ANKRD40: variants seen among roughly 807,000 people sequenced by gnomAD.
ANKRD40 encodes ankyrin repeat domain-containing protein 40.
In ANKRD40, 24 loss-of-function variants were observed where a neutral mutation model predicts 35.5. The observed-to-expected ratio is 0.68, with a 90% confidence interval of 0.49 to 0.95. The LOEUF (loss-of-function observed/expected upper bound fraction) is 0.95, where lower values mean the gene tolerates loss of function less well. ANKRD40 is among the 40% of genes least tolerant of loss of function. The probability of loss-of-function intolerance (pLI) is 0.00; values close to 1 mark genes in which losing one functional copy is unlikely to be tolerated. For missense variants in ANKRD40, 361 were observed against 436.0 expected (o/e 0.83, Z 1.53); for synonymous variants, 147 against 173.5 (o/e 0.85, Z 1.20).
In ANKRD40 at chr17:50,707,233, C is replaced by A. The variant is rs1285741013; in HGVS notation, c.134+288G>T. On this transcript the variant is annotated intron_variant, in intron 1 of 4. Transcript: ENST00000285243. The surrounding 1 kb of genome is among the most constrained non-coding windows in gnomAD (Gnocchi z 4.8). ...TCGCTGAGAATCACTGCCTCCAGCACCGCTCTGACCAAGTGAGCCGGGAGC... is the reference window on the plus strand; with the variant it reads ...TCGCTGAGAATCACTGCCTCCAGCAACGCTCTGACCAAGTGAGCCGGGAGC... Among the ~76,000 whole-genome samples, 1 of 152,190 alleles carries A rather than the reference C, an allele frequency of 6.6e-6. No homozygotes were observed. Among genetic ancestry groups the A allele is most frequent in the Non-Finnish European group, 1.5e-5 (1 of 68,030 alleles).
chr17:50,700,410 T>C, intron 2 of ANKRD40, 158 bp downstream of exon 2: 1 of 773,874 alleles, frequency 1.3e-6, no homozygotes, highest in African/African-American at 1.9e-5. Context: ...GCCACTGCAC[T>C]CCAGCCTGGG....
chr17:50,705,132 A>G (rs1192346805), intron 1 of ANKRD40, among the ~76,000 whole-genome samples: 1 of 152,042 alleles, frequency 6.6e-6, no homozygotes, highest in Non-Finnish European at 1.5e-5. Flanking sequence ...AAAAAAAAAA[A>G]AAAAAAAAGA....
In ANKRD40 at chr17:50,707,649, G is replaced by T. The variant is rs769477941; in HGVS notation, c.6C>A (p.Asn2Lys). M[N>K]ALLEQKEQQE... ...GCTGCTCCTTCTGCTCTAGGAGGGC[G>T]TTCATCTTCCCACAGCCCCAGGCCC... Residue 2 changes from asparagine to lysine, a missense_variant, in exon 1 of 5, where the codon AAC becomes AAA. By Grantham distance (94) the Asn-to-Lys change is moderately conservative (BLOSUM62 0). This residue lies in a region of ANKRD40 where 56 missense variants were observed against 47.1 expected (regional missense o/e 1.19). Transcript: ENST00000285243. This position sits in a 1 kb window ranked among gnomAD's most constrained non-coding sequence, Gnocchi z 4.8. The T allele has an allele frequency of 1.3e-6, 2 of 1,562,492 alleles. No homozygotes were observed. Among genetic ancestry groups the T allele is most frequent in the Non-Finnish European group, 1.7e-6 (2 of 1,158,506 alleles).
At chr17:50,704,527 A>C (rs1968306887) in intron 1 of ANKRD40, among the ~76,000 whole-genome samples, 1 of 151,610 alleles carries the variant, frequency 6.6e-6, no homozygotes, top group South Asian at 2.1e-4. Context: ...AAAAAAAAAA[A>C]AAAAAAAAAA....
Position 50,697,125 on chromosome 17 carries a change from G to A in ANKRD40, c.779-4C>T, listed in dbSNP as rs201524009. ...ATTCTCACCTTGAGTACCAGCTCTA[G>A]AAAAAAAAGGAGAAATGTTAATGAA... On this transcript the variant is annotated splice_region_variant and splice_polypyrimidine_tract_variant and intron_variant, in intron 3 of 4. Coordinates refer to ENST00000285243, the MANE Select transcript of ANKRD40 (RefSeq NM_052855.4). 1.2e-5 allele frequency: 19 copies of A among 1,597,904 alleles called. No homozygotes were observed. The highest frequency in any genetic ancestry group is 1.1e-4 in the Admixed American group (6 of 55,610).
In ANKRD40 at chr17:50,700,686, GT is replaced by G; in HGVS notation, c.164del (p.Asn55ThrfsTer10). On this transcript the variant is annotated frameshift_variant, in exon 2 of 5. Transcript: ENST00000285243. LOFTEE classifies it high-confidence loss of function. Reference protein sequence around the residue: ...WTCLHWACKRNHGQVVSYLLK... With the variant: ...WTCLHWACKRXHGQVVSYLLK... ...ACAGGTAAGAGACCACCTGACCATGGTTTCGTTTACATGCCCAGTGTAAACA... is the reference window on the plus strand; with the variant it reads ...ACAGGTAAGAGACCACCTGACCATGGTTCGTTTACATGCCCAGTGTAAACA... The G allele has an allele frequency of 6.2e-7, 1 of 1,613,932 alleles. No individual in the cohort carries two copies. Among genetic ancestry groups the G allele is most frequent in the Non-Finnish European group, 8.5e-7 (1 of 1,179,954 alleles).
chr17:50,698,635 G>C (rs1968227381), intron 3 of ANKRD40, among the ~76,000 whole-genome samples: 1 of 152,080 alleles, frequency 6.6e-6, no homozygotes, highest in African/African-American at 2.4e-5. Flanking sequence ...AGGATGCAGG[G>C]GGCAGAGGAG....
At chr17:50,704,662 G>A (rs115946159) in intron 1 of ANKRD40, among the ~76,000 whole-genome samples, 1,698 of 152,188 alleles carry the variant, frequency 0.011, 26 homozygotes, top group African/African-American at 0.039. Context: ...GGCTCCACTA[G>A]TTACTGTCAA....
chr17:50,702,451 T>C (rs564064064), intron 1 of ANKRD40, among the ~76,000 whole-genome samples: 10 of 151,792 alleles, frequency 6.6e-5, no homozygotes, highest in Admixed American at 1.3e-4. Context: ...TGGACCTTGC[T>C]TGAAGTAGAA....
chr17:50,702,313 T>C (rs905576323), intron 1 of ANKRD40, among the ~76,000 whole-genome samples: 1 of 152,014 alleles, frequency 6.6e-6, no homozygotes, highest in Non-Finnish European at 1.5e-5. Flanking sequence ...GGCAGGAGAA[T>C]TGCTTGAACC....
In ANKRD40 at chr17:50,700,553, C is replaced by T. The variant is rs998916333; in HGVS notation, c.283+15G>A. On this transcript the variant is annotated intron_variant, in intron 2 of 4. Transcript: ENST00000285243. ...AGTCTGAGGAAATCAAAAGTTCCCC[C>T]AAACACAGACTCACCTCCCATAATC... The T allele has an allele frequency of 3.1e-6, 5 of 1,612,948 alleles. No homozygotes were observed. The African/African-American group carries it at 6.7e-5, about 22-fold the overall frequency.
chr17:50,700,331 T>C, intron 2 of ANKRD40: 1 of 382,082 alleles, frequency 2.6e-6, no homozygotes, highest in Non-Finnish European at 4.7e-6. Flanking sequence ...TAATCCTAGC[T>C]ACTTGGGAGG....
rs560471352 is a variant in ANKRD40 at position 50,707,451 on chromosome 17, G to A, written c.134+70C>T. On this transcript the variant is annotated intron_variant, in intron 1 of 4. Coordinates refer to ENST00000285243, the MANE Select transcript of ANKRD40 (RefSeq NM_052855.4). The surrounding 1 kb of genome is among the most constrained non-coding windows in gnomAD (Gnocchi z 4.8). The stretch of plus-strand genomic sequence containing the variant: ...GCCAGGCGTCCCGCGCTGGGCCCAG[G>A]TCGCGACTGACTGCCCCACGCCTTC... The A allele has an allele frequency of 1.3e-5, 20 of 1,557,388 alleles. No homozygotes were observed. Among genetic ancestry groups the A allele is most frequent in the East Asian group, 5.1e-5 (2 of 39,252 alleles).
Position 50,693,503 on chromosome 17 carries a change from G to C in ANKRD40, c.*2494C>G, listed in dbSNP as rs537823739. 6.6e-6 allele frequency: 1 copy of C among 152,402 alleles called. No homozygotes were observed. The highest frequency in any genetic ancestry group is 2.4e-5 in the African/African-American group (1 of 41,588). The allele number at this position is 152,402 out of a possible 1,614,324, so 9.4% of individuals were successfully genotyped here. Reference sequence around the variant, plus strand: ...AGTTGACCACAGAGGATTTTATAAAGGAGAAGAGAGACCAGCATAGGACAG... The same window carrying C: ...AGTTGACCACAGAGGATTTTATAAACGAGAAGAGAGACCAGCATAGGACAG... On this transcript the variant is annotated 3_prime_UTR_variant, in exon 5 of 5. Coordinates refer to ENST00000285243, the MANE Select transcript of ANKRD40 (RefSeq NM_052855.4).
intron 1 of ANKRD40, among the ~76,000 whole-genome samples, chr17:50,702,180 GGA>G (rs1968280002): frequency 1.3e-5 from 2 of 152,178 alleles, no homozygotes; most frequent in African/African-American, 4.8e-5. Context: ...CAAGGCAGGT[GGA>G]TCACTTTAGG....
At chr17:50,696,294 A>C (rs2146655290) in intron 4 of ANKRD40, 151 bp from the exon 5 acceptor site, 2 of 889,824 alleles carry the variant, frequency 2.2e-6, no homozygotes, top group East Asian at 5.3e-5. Context: ...TAGTGCAACT[A>C]AGGCCCCAGG....
chr17:50,703,433 A>G (rs1251284859), intron 1 of ANKRD40, among the ~76,000 whole-genome samples: 4 of 152,250 alleles, frequency 2.6e-5, no homozygotes, highest in Admixed American at 2.6e-4. Flanking sequence ...GCAATAGTAA[A>G]GCAGGGAAAG....
intron 1 of ANKRD40, among the ~76,000 whole-genome samples, chr17:50,704,616 G>A (rs1968308821): frequency 1.3e-5 from 2 of 152,008 alleles, no homozygotes; most frequent in African/African-American, 4.8e-5. Flanking sequence ...GTGTTTAGGA[G>A]GGTAGGTCTG....
At chr17:50,705,064 A>T (rs1404295737) in intron 1 of ANKRD40, among the ~76,000 whole-genome samples, 1 of 151,384 alleles carries the variant, frequency 6.6e-6, no homozygotes, top group Non-Finnish European at 1.5e-5. Flanking sequence ...AAGTGAGCCA[A>T]GATGGCACCT....
Sources: allele counts gnomAD v4.1 joint callset (sites outside exome capture counted in the v4.1 genomes callset), GRCh38; gene constraint gnomAD v4.1.1; regional missense constraint gnomAD v4.1.1; non-coding constraint Gnocchi (gnomAD v3.1); transcripts MANE v1.5; gene names NCBI Gene and HGNC (gene_info 2026-07-23, HGNC 2026-07-21).